Variants in CDH13 observed in about 807,000 individuals in gnomAD.
CDH13 encodes cadherin-13.
CDH13 carries 24 observed loss-of-function variants against 63.8 expected under a neutral mutation model. The observed-to-expected ratio is 0.38, with a 90% CI of 0.27 to 0.53. CDH13 has a LOEUF of 0.53. Ranked by LOEUF, CDH13 falls within the 20% of genes least tolerant of loss-of-function variation. The pLI is 0.85. For synonymous variants in CDH13, 503 were observed against 355.3 expected, an observed-to-expected ratio of 1.42 and a Z score of -4.67; for missense variants, 1,049 against 903.1, an observed-to-expected ratio of 1.16 and a Z score of -2.07.
chr16:82,953,588 C>T (rs1489180498), intron 2 of CDH13: 2 of 152,166 alleles, frequency 1.3e-5, no homozygotes, highest in African/African-American at 4.8e-5. Context: ...CTCTGGTTGG[C>T]AGTTATATGT....
intron 3 of CDH13, among the ~76,000 whole-genome samples, chr16:83,081,707 A>AAG (rs538993379): frequency 1.6e-3 from 235 of 150,762 alleles, no homozygotes; most frequent in African/African-American, 5.1e-3. Context: ...GAGAGAGAGA[A>AAG]AGAGAGAGAG....
intron 8 of CDH13, among the ~76,000 whole-genome samples, chr16:83,605,296 G>T (rs1908220341): frequency 6.6e-6 from 1 of 152,186 alleles, no homozygotes; most frequent in African/African-American, 2.4e-5. Flanking sequence ...TCCCAAAGGA[G>T]TCTTTGCCCA....
intron 6 of CDH13, among the ~76,000 whole-genome samples, chr16:83,416,889 G>T (rs1327536113): frequency 6.6e-6 from 1 of 152,052 alleles, no homozygotes; most frequent in Admixed American, 6.6e-5. Context: ...TAAAATTATT[G>T]AAATGGTTAT....
Position 83,126,462 on chromosome 16 carries a change from G to A in CDH13, c.483+961G>A, listed in dbSNP as rs772749959. On this transcript the variant is annotated intron_variant, in intron 4 of 13. Transcript: ENST00000567109. ...GGGCATGTCAGGGCACGGCAAAGGC[G>A]GGAAGGGTAGTTTCATTGGGAAGAG... Among the ~76,000 whole-genome samples the A allele has an allele frequency of 4.9e-4, 75 of 152,162 alleles. 1 individual carries two copies. The highest frequency in any genetic ancestry group is 9.3e-4 in the Non-Finnish European group (63 of 68,038).
chr16:83,453,749 AC>A (rs2072945172), intron 6 of CDH13, among the ~76,000 whole-genome samples: 2 of 266 alleles, frequency 7.5e-3, no homozygotes, highest in Admixed American at 0.071. Flanking sequence ...CTCTTTATCC[AC>A]CATGTATCTC....
chr16:82,843,377 A>G (rs956632793), intron 1 of CDH13, among the ~76,000 whole-genome samples: 1 of 152,206 alleles, frequency 6.6e-6, no homozygotes, highest in Non-Finnish European at 1.5e-5. Context: ...AAATGTTTGT[A>G]TGAACATTTG....
chr16:83,573,653 T>C (rs894716314), intron 7 of CDH13, among the ~76,000 whole-genome samples: 3 of 152,184 alleles, frequency 2.0e-5, no homozygotes, highest in Non-Finnish European at 4.4e-5. Flanking sequence ...CCTAAAATTT[T>C]TAAAAATAAA....
intron 2 of CDH13, among the ~76,000 whole-genome samples, chr16:82,994,431 C>T (rs1490593982): frequency 6.6e-6 from 1 of 152,152 alleles, no homozygotes; most frequent in African/African-American, 2.4e-5. Flanking sequence ...GATTTCCCTG[C>T]TCTGCTCTTG....
At chr16:82,684,322 A>G (rs1432309541) in intron 1 of CDH13, among the ~76,000 whole-genome samples, 1 of 152,132 alleles carries the variant, frequency 6.6e-6, no homozygotes, top group East Asian at 1.9e-4. Flanking sequence ...GCCCCTATGA[A>G]TGTCTCTGGG....
chr16:83,615,254 G>A (rs897647854), intron 8 of CDH13, among the ~76,000 whole-genome samples: 1 of 152,062 alleles, frequency 6.6e-6, no homozygotes, highest in Non-Finnish European at 1.5e-5. Context: ...AACATCAGAT[G>A]CACTTGTGTC....
At chr16:83,720,917 C>T (rs1156645457) in intron 10 of CDH13, among the ~76,000 whole-genome samples, 1 of 152,182 alleles carries the variant, frequency 6.6e-6, no homozygotes, top group Non-Finnish European at 1.5e-5. Flanking sequence ...ATGGACTGGC[C>T]TCTGGCAGAG....
At chr16:82,880,550 A>C (rs894986717) in intron 2 of CDH13, among the ~76,000 whole-genome samples, 1 of 152,206 alleles carries the variant, frequency 6.6e-6, no homozygotes, top group African/African-American at 2.4e-5. Context: ...GACCTTTGCC[A>C]GGTCCATCCT....
chr16:83,749,447 G>A (rs2150973467), intron 11 of CDH13, among the ~76,000 whole-genome samples: 1 of 152,350 alleles, frequency 6.6e-6, no homozygotes, highest in South Asian at 2.1e-4. Flanking sequence ...ATCAAAACTA[G>A]AAGGGGGCAC....
At chr16:83,157,806 G>A (rs532159580) in intron 4 of CDH13, among the ~76,000 whole-genome samples, 2 of 151,388 alleles carry the variant, frequency 1.3e-5, no homozygotes, top group South Asian at 2.1e-4. Flanking sequence ...CCAGCAACTC[G>A]GGAGGCAGAG....
chr16:83,319,717 AAT>A (rs1432921043), intron 5 of CDH13, among the ~76,000 whole-genome samples: 1 of 152,170 alleles, frequency 6.6e-6, no homozygotes, highest in African/African-American at 2.4e-5. Flanking sequence ...GAAGGAAAAA[AAT>A]ATGCTGGGTG....
chr16:82,949,624 G>A (rs1421439425), intron 2 of CDH13, among the ~76,000 whole-genome samples: 1 of 152,072 alleles, frequency 6.6e-6, no homozygotes, highest in Non-Finnish European at 1.5e-5. Context: ...CAACTTATTT[G>A]CCTTTAAGAG....
intron 10 of CDH13, chr16:83,726,078 G>A (rs539595952): frequency 6.6e-6 from 1 of 152,232 alleles, no homozygotes; most frequent in African/African-American, 2.4e-5. Context: ...ACATTGTAAA[G>A]TGTTGCATTT....
intron 10 of CDH13, among the ~76,000 whole-genome samples, chr16:83,686,712 G>C (rs554622662): frequency 2.0e-5 from 3 of 152,170 alleles, no homozygotes; most frequent in Non-Finnish European, 4.4e-5. Context: ...TGTATTTTTA[G>C]TGTGGGTACA....
intron 4 of CDH13, among the ~76,000 whole-genome samples, chr16:83,195,899 G>A (rs939355194): frequency 6.6e-6 from 1 of 152,164 alleles, no homozygotes; most frequent in Non-Finnish European, 1.5e-5. Context: ...TGATGCTGGA[G>A]CCATTGGACA....
Sources: gnomAD v4.1 joint callset for allele counts (sites outside exome capture counted in the v4.1 genomes callset) on GRCh38, gnomAD v4.1.1 for gene constraint, MANE v1.5 for transcripts, NCBI Gene and HGNC (gene_info 2026-07-23, HGNC 2026-07-21) for gene names.